PLXNB1: variants seen among roughly 807,000 people sequenced by gnomAD.
The protein encoded by PLXNB1 is plexin-B1.
A neutral mutation model predicts 209.4 loss-of-function variants in PLXNB1; 106 were observed. The observed-to-expected ratio is 0.51, with a 90% CI of 0.43 to 0.59. The LOEUF (loss-of-function observed/expected upper bound fraction) is 0.59. Ranked by LOEUF, PLXNB1 falls within the 20% of genes least tolerant of loss-of-function variation. The pLI, the probability that PLXNB1 is intolerant of heterozygous loss-of-function variation, is 0.00. For missense variants in PLXNB1, 2,357 were observed against 2,853.2 expected (o/e 0.83, Z 3.96); for synonymous variants, 1,167 against 1,183.2 (o/e 0.99, Z 0.28).
rs2037990844 is a variant in PLXNB1 at position 48,415,149 on chromosome 3, G to A, written c.3966+27C>T. On this transcript the variant is annotated intron_variant, in intron 20 of 37. Transcript: ENST00000296440. The surrounding 1 kb of genome is among the most constrained non-coding windows in gnomAD (Gnocchi z 5.0). Reference sequence around the variant, plus strand: ...GGGTGTGGTATGGGGCAAGGGGAGAGTGTGGGGGTACCCAAGGGTGTCCTA... The same window carrying A: ...GGGTGTGGTATGGGGCAAGGGGAGAATGTGGGGGTACCCAAGGGTGTCCTA... The A allele has an allele frequency of 3.1e-6, 5 of 1,608,230 alleles. No individual in the cohort carries two copies. The Admixed American group carries it at 8.3e-5, about 27-fold the overall frequency.
intron 34 of PLXNB1, among the ~76,000 whole-genome samples, chr3:48,408,519 C>T (rs538020785): frequency 6.6e-6 from 1 of 152,224 alleles, no homozygotes; most frequent in African/African-American, 2.4e-5. Flanking sequence ...CAATAGACTC[C>T]CAACCTCTGT....
intron 4 of PLXNB1, 118 bp downstream of exon 4, chr3:48,422,647 A>C (rs2038608586): frequency 1.6e-6 from 2 of 1,262,294 alleles, no homozygotes; most frequent in Non-Finnish European, 2.2e-6. Flanking sequence ...TGGGGAGAGG[A>C]GCTCAGGTCA....
rs9841713 is a variant in PLXNB1 at position 48,423,559 on chromosome 3, G to A, written c.1053C>T (p.Thr351=). 4.0e-3 allele frequency: 6,387 copies of A among 1,614,112 alleles called. 187 individuals are homozygous for A. In the African/African-American group the frequency reaches 0.066, roughly 17 times the overall value. ...CATCATACTCGATGTAGGCCACCTCGGTCCCATCCTCAGCACGACCCTCCC... is the reference window on the plus strand; with the variant it reads ...CATCATACTCGATGTAGGCCACCTCAGTCCCATCCTCAGCACGACCCTCCC... ...YTREGRAEDG[T]EVAYIEYDVN... is the part of the protein sequence containing the mutation. The change falls in exon 3 of 38, where the codon ACC becomes ACT. Residue 351 remains threonine, a synonymous_variant. Coordinates refer to ENST00000296440, the MANE Select transcript of PLXNB1 (RefSeq NM_001130082.3).
chr3:48,424,260 C>A lies in PLXNB1; in HGVS notation c.352G>T (p.Val118Phe), dbSNP rs368626600. 11 of 1,599,368 alleles carry A rather than the reference C, an allele frequency of 6.9e-6. No individual in the cohort carries two copies. The highest frequency in any genetic ancestry group is 9.4e-6 in the Non-Finnish European group (11 of 1,173,358). Residue 118 changes from valine (V) to phenylalanine (F), a missense_variant, in exon 3 of 38, where the codon GTC becomes TTC. By Grantham distance (50) the Val-to-Phe change is conservative. Coordinates refer to ENST00000296440, the MANE Select transcript of PLXNB1 (RefSeq NM_001130082.3). ...TGCCCCAGGCGCCGCTGTTCACAGA[C>A]CCCCTGGTGCACGCTCCCGCATACC... The part of the protein sequence containing the change: ...LVVCGSVHQG[V>F]CEQRRLGQLE...
In PLXNB1 at chr3:48,414,841, G is replaced by A; in HGVS notation, c.4167C>T (p.Thr1389=). 6.2e-7 allele frequency: 1 copy of A among 1,614,102 alleles called. No homozygotes were observed. The highest frequency in any genetic ancestry group is 2.2e-5 in the East Asian group (1 of 44,886). Residue 1389 remains threonine, a synonymous_variant, in exon 21 of 38, where the codon ACC becomes ACT. Transcript: ENST00000296440. ...TCCCAGGCTTGTGCCGGAATGGCAT[G>A]GTGGGGTCCTCAGGGTTGAGTGGCT... ...TLQPLNPEDP[T]MPFRHKPGSV... is the part of the protein sequence containing the mutation.
rs758273567 is a variant in PLXNB1, at chr3:48,419,960, T to G, written c.2326A>C (p.Thr776Pro). The G allele has an allele frequency of 1.3e-6, 2 of 1,571,828 alleles. No individual in the cohort carries two copies. Among genetic ancestry groups the G allele is most frequent in the Admixed American group, 1.8e-5 (1 of 57,066 alleles). Residue 776 changes from threonine to proline, a missense_variant, in exon 11 of 38, where the codon ACT becomes CCT. By Grantham distance (38) the Thr-to-Pro change is conservative. Around this residue, in one of 7 missense-constraint regions of PLXNB1, gnomAD observed 410 missense variants for 401.0 expected, o/e 1.02. Coordinates refer to ENST00000296440, the MANE Select transcript of PLXNB1 (RefSeq NM_001130082.3). The surrounding 1 kb of genome is among the most constrained non-coding windows in gnomAD (Gnocchi z 5.7). Reference protein sequence around the residue: ...NGPGTAVPAPTDFRPSATPED... With the variant: ...NGPGTAVPAPPDFRPSATPED... ...GGTGTGGCTGAGGGTCTGAAGTCAG[T>G]GGGGGCAGGGACAGCGGTTCCAGGT...
In PLXNB1 at chr3:48,409,955, G is replaced by T; in HGVS notation, c.5728C>A (p.Arg1910Ser). The change falls in exon 32 of 38, where the codon CGC becomes AGC. Residue 1910 changes from arginine (R) to serine (S), a missense_variant. By Grantham distance (110) the Arg-to-Ser change is moderately radical. Transcript: ENST00000296440. This position sits in a 1 kb window ranked among gnomAD's most constrained non-coding sequence, Gnocchi z 5.8. Reference protein sequence around the residue: ...RGSLRGGERERAKAIPEIYLT... With the variant: ...RGSLRGGERESAKAIPEIYLT... ...TAGATCTCAGGGATGGCCTTGGCGC[G>T]CTCACGCTCCCCGCCCCGAAGGCTG... The T allele has an allele frequency of 6.2e-7, 1 of 1,611,798 alleles. No homozygotes were observed. The highest frequency in any genetic ancestry group is 1.1e-5 in the South Asian group (1 of 90,952).
Position 48,422,460 on chromosome 3 carries a change from C to T in PLXNB1, c.1291-1G>A. ...CATCGCTCCCTGGGCCCAAGTAGAC[C>T]TGGGATCAGAGACCACAGGGTCTGG... On this transcript the variant is annotated splice_acceptor_variant, in intron 4 of 37. Transcript: ENST00000296440. LOFTEE classifies it high-confidence loss of function. 6.3e-7 allele frequency: 1 copy of T among 1,581,572 alleles called. No homozygotes were observed. The highest frequency in any genetic ancestry group is 8.6e-7 in the Non-Finnish European group (1 of 1,164,956).
Position 48,415,003 on chromosome 3 carries a change from G to A in PLXNB1, c.4005C>T (p.Ile1335=). The part of the protein sequence containing the change: ...EPCHVNSSQL[I]TCRTPALPGL... ...CTGGGAGGGCAGGTGTGCGGCACGT[G>A]ATGAGCTGGGAGGAGTTGACATGGC... Residue 1335 remains isoleucine (I), a synonymous_variant, in exon 21 of 38, where the codon ATC becomes ATT. Coordinates refer to ENST00000296440, the MANE Select transcript of PLXNB1 (RefSeq NM_001130082.3). This position sits in a 1 kb window ranked among gnomAD's most constrained non-coding sequence, Gnocchi z 5.0. 1 of 1,613,640 alleles carries A rather than the reference G, an allele frequency of 6.2e-7. No individual in the cohort carries two copies. Among genetic ancestry groups the A allele is most frequent in the Non-Finnish European group, 8.5e-7 (1 of 1,180,018 alleles).
In PLXNB1 at chr3:48,418,832, A is replaced by C; in HGVS notation, c.2955+85T>G. ...ACACGGTCAGAGCGTGGCTCTGGAA[A>C]GTGTGGTGCAGCCAGCTACAGTTGG... is the stretch of plus-strand genomic sequence containing the variant. On this transcript the variant is annotated intron_variant, in intron 13 of 37. Transcript: ENST00000296440. The surrounding 1 kb of genome is among the most constrained non-coding windows in gnomAD (Gnocchi z 6.6). The C allele has an allele frequency of 6.5e-7, 1 of 1,538,924 alleles. No individual in the cohort carries two copies. Among genetic ancestry groups the C allele is most frequent in the African/African-American group, 1.4e-5 (1 of 73,666 alleles).
chr3:48,420,338 G>A lies in PLXNB1; in HGVS notation c.2029-81C>T, dbSNP rs140107564. 156 of 780,560 alleles carry A rather than the reference G, an allele frequency of 2.0e-4. 1 individual carries two copies. In the East Asian group the frequency reaches 4.1e-3, roughly 20 times the overall value. 48.4% of individuals were successfully genotyped at this position (780,560 alleles called of 1,614,324 possible). ...CAGGAGGCAGGCAGGCACAGTGTAT[G>A]TTAAGAGGAAAGGAGACCAAGGAAA... On this transcript the variant is annotated intron_variant, in intron 10 of 37. Transcript: ENST00000296440.
At chr3:48,422,548 C>G (rs1435773524) in intron 4 of PLXNB1, 89 bp from the exon 5 acceptor site, 2 of 1,434,116 alleles carry the variant, frequency 1.4e-6, no homozygotes, top group Non-Finnish European at 9.2e-7. Context: ...AAGTAATTTA[C>G]AAATAGAATT....
chr3:48,409,631 T>G lies in PLXNB1; in HGVS notation c.5879A>C (p.Glu1960Ala). ...AVKYFFDLLD[E>A]QAQQHGISDQ... The stretch of plus-strand genomic sequence containing the variant: ...GGAGATGCCATGCTGCTGGGCCTGC[T>G]CATCCAGCAGGTCAAAGAAGTACTT... Residue 1960 changes from glutamate (E) to alanine (A), a missense_variant, in exon 33 of 38, where the codon GAG becomes GCG. Physicochemically the swap from Glu to Ala is moderately radical, Grantham distance 107 (BLOSUM62 -1). This residue lies in a region of PLXNB1 where 414 missense variants were observed against 520.5 expected (regional missense o/e 0.80). Transcript: ENST00000296440. This position sits in a 1 kb window ranked among gnomAD's most constrained non-coding sequence, Gnocchi z 5.8. 1 of 1,613,862 alleles carries G rather than the reference T, an allele frequency of 6.2e-7. No individual in the cohort carries two copies. Among genetic ancestry groups the G allele is most frequent in the Non-Finnish European group, 8.5e-7 (1 of 1,179,968 alleles).
intron 27 of PLXNB1, 66 bp from the exon 28 acceptor site, chr3:48,412,075 C>G: frequency 6.4e-7 from 1 of 1,574,716 alleles, no homozygotes. Context: ...ATGACGCACA[C>G]TGGGGAAGGG....
intron 2 of PLXNB1, among the ~76,000 whole-genome samples, chr3:48,424,844 ATTC>A (rs1040161464): frequency 1.6e-4 from 24 of 152,190 alleles, no homozygotes; most frequent in African/African-American, 5.8e-4. Flanking sequence ...AACACTGCCC[ATTC>A]TCTGCAGGCA....
Position 48,404,221 on chromosome 3 carries a change from T to G in PLXNB1, c.*265A>C. 2.1e-6 allele frequency: 1 copy of G among 469,370 alleles called. No individual in the cohort carries two copies. The highest frequency in any genetic ancestry group is 3.8e-6 in the Non-Finnish European group (1 of 263,848). 29.1% of individuals were successfully genotyped at this position (469,370 alleles called of 1,614,324 possible). ...TCTTCCAGCCACTCTCTGGAAGCCC[T>G]TAGTCCCCAACTCCCTGCAGACCGG... On this transcript the variant is annotated 3_prime_UTR_variant, in exon 38 of 38. Transcript: ENST00000296440.
rs773813631 is a variant in PLXNB1, at chr3:48,416,319, G to C, written c.3480+27C>G. On this transcript the variant is annotated intron_variant, in intron 17 of 37. Coordinates refer to ENST00000296440, the MANE Select transcript of PLXNB1 (RefSeq NM_001130082.3). This position sits in a 1 kb window ranked among gnomAD's most constrained non-coding sequence, Gnocchi z 4.1. Reference sequence around the variant, plus strand: ...CACCAGAGAGGTTGGCCCGCTGGCAGCTGGGGGTGGCTCAGCAGTCAGGTA... The same window carrying C: ...CACCAGAGAGGTTGGCCCGCTGGCACCTGGGGGTGGCTCAGCAGTCAGGTA... 6.3e-6 allele frequency: 10 copies of C among 1,587,404 alleles called. No homozygotes were observed. Among genetic ancestry groups the C allele is most frequent in the Non-Finnish European group, 7.8e-6 (9 of 1,158,840 alleles).
In PLXNB1 at chr3:48,418,524, G is replaced by A. The variant is rs1435302182; in HGVS notation, c.2974C>T (p.Gln992Ter). ...AACAGCCCCACACGGAGCTCCGGCTGCAGAGCCTCATAGCTGAGCTGGAGA... is the reference window on the plus strand; with the variant it reads ...AACAGCCCCACACGGAGCTCCGGCTACAGAGCCTCATAGCTGAGCTGGAGA... Reference protein sequence around the residue: ...QQHQLSYEALQPELRVGLFLR... With the variant: ...QQHQLSYEAL Residue 992 changes from glutamine (Q) to a stop codon, truncating the protein, a stop_gained, in exon 14 of 38, where the codon CAG becomes TAG. Coordinates refer to ENST00000296440, the MANE Select transcript of PLXNB1 (RefSeq NM_001130082.3). LOFTEE classifies it high-confidence loss of function. The surrounding 1 kb of genome is among the most constrained non-coding windows in gnomAD (Gnocchi z 6.6). The A allele has an allele frequency of 1.2e-6, 2 of 1,605,122 alleles. No individual in the cohort carries two copies. The highest frequency in any genetic ancestry group is 1.7e-4 in the Middle Eastern group (1 of 6,038).
chr3:48,409,587 T>C lies in PLXNB1; in HGVS notation c.5923A>G (p.Ile1975Val), dbSNP rs764387834. 9.3e-6 allele frequency: 15 copies of C among 1,613,786 alleles called. No homozygotes were observed. The highest frequency in any genetic ancestry group is 1.3e-5 in the Non-Finnish European group (15 of 1,179,912). Reference protein sequence around the residue: ...HGISDQDTIHIWKTNSLPLRF... With the variant: ...HGISDQDTIHVWKTNSLPLRF... ...CCACCCCACCTGTTGGTCTTCCAGA[T>C]GTGGATGGTGTCCTGGTCGGAGATG... The change falls in exon 33 of 38, where the codon ATC (isoleucine) becomes GTC (valine). Residue 1975 changes from isoleucine (I) to valine (V), a missense_variant. Physicochemically the swap from Ile to Val is conservative, Grantham distance 29 (BLOSUM62 3). Around this residue, in one of 7 missense-constraint regions of PLXNB1, gnomAD observed 414 missense variants for 520.5 expected, o/e 0.80. Coordinates refer to ENST00000296440, the MANE Select transcript of PLXNB1 (RefSeq NM_001130082.3). The surrounding 1 kb of genome is among the most constrained non-coding windows in gnomAD (Gnocchi z 5.8).
Sources: gnomAD v4.1 joint callset for allele counts (sites outside exome capture counted in the v4.1 genomes callset) on GRCh38, gnomAD v4.1.1 for gene constraint, gnomAD v4.1.1 regional missense constraint, Gnocchi (gnomAD v3.1) non-coding constraint, MANE v1.5 for transcripts, NCBI Gene and HGNC (gene_info 2026-07-23, HGNC 2026-07-21) for gene names.